The following RBFOX1 variants were observed in gnomAD, a reference collection of about 807,000 sequenced individuals.
RBFOX1 encodes RNA binding fox-1 homolog 1.
In RBFOX1, 8 loss-of-function variants were observed where a neutral mutation model predicts 57.7. The observed-to-expected ratio is 0.14, with a 90% CI of 0.08 to 0.25. The LOEUF (loss-of-function observed/expected upper bound fraction) is 0.25. RBFOX1 is among the 10% of genes least tolerant of loss of function. The pLI, the probability that RBFOX1 is intolerant of heterozygous loss-of-function variation, is 1.00. For synonymous variants in RBFOX1, 326 were observed against 222.4 expected (o/e 1.47, Z -4.15); for missense variants, 611 against 548.5 (o/e 1.11, Z -1.14).
intron 3 of RBFOX1, among the ~76,000 whole-genome samples, chr16:6,988,747 GTTTGTTTTTTGTT>G (rs2090868068): frequency 8.9e-5 from 9 of 101,444 alleles, no homozygotes; most frequent in South Asian, 3.4e-4. Context: ...TTTTTTGTTT[GTTTGTTTTTTGTT>G]TTTTGTTTTT....
chr16:7,220,132 A>T (rs1486509557), intron 4 of RBFOX1, among the ~76,000 whole-genome samples: 2 of 152,228 alleles, frequency 1.3e-5, no homozygotes, highest in Non-Finnish European at 2.9e-5. Context: ...CAATTGTCCT[A>T]GCACCCATCT....
chr16:5,463,638 A>G (rs746253992), intron 1 of RBFOX1, among the ~76,000 whole-genome samples: 2 of 152,094 alleles, frequency 1.3e-5, no homozygotes, highest in Middle Eastern at 3.4e-3. Context: ...TGTGTCCACT[A>G]AAAATACAAA....
At chr16:7,028,784 T>C (rs2041782775) in intron 3 of RBFOX1, among the ~76,000 whole-genome samples, 1 of 151,446 alleles carries the variant, frequency 6.6e-6, no homozygotes, top group Admixed American at 6.6e-5. Context: ...TTGGAAACCA[T>C]GGAACATCCA....
intron 14 of RBFOX1, among the ~76,000 whole-genome samples, chr16:7,678,046 G>A (rs2073839048): frequency 1.3e-5 from 2 of 152,280 alleles, no homozygotes; most frequent in South Asian, 4.1e-4. Flanking sequence ...GCTGCATTTT[G>A]AAAACCCCAT....
chr16:7,170,730 C>G lies in RBFOX1; in HGVS notation c.27+118632C>G, dbSNP rs74009283. On this transcript the variant is annotated intron_variant, in intron 4 of 15. Coordinates refer to ENST00000550418, the MANE Select transcript of RBFOX1 (RefSeq NM_018723.4). ...GTATCCTCACATACAGTGAAGTTTC[C>G]ATACACCTTGGTTGAATGAATGTCT... is the stretch of plus-strand genomic sequence containing the variant. 7.1e-3 allele frequency among the ~76,000 whole-genome samples: 1,079 copies of G among 152,238 alleles called. 15 individuals are homozygous for G. Among genetic ancestry groups the G allele is most frequent in the African/African-American group, 0.025 (1,035 of 41,544 alleles).
chr16:6,799,319 T>C (rs1254263093), intron 3 of RBFOX1, among the ~76,000 whole-genome samples: 1 of 152,108 alleles, frequency 6.6e-6, no homozygotes, highest in Non-Finnish European at 1.5e-5. Context: ...CTACTTATCA[T>C]TATATGCTAT....
At chr16:6,901,797 G>C (rs528059406) in intron 3 of RBFOX1, among the ~76,000 whole-genome samples, 1 of 152,194 alleles carries the variant, frequency 6.6e-6, no homozygotes, top group Non-Finnish European at 1.5e-5. Flanking sequence ...AGAAGGAAGA[G>C]ACATAATACT....
intron 3 of RBFOX1, among the ~76,000 whole-genome samples, chr16:5,776,565 C>G (rs2054157385): frequency 6.6e-6 from 1 of 152,208 alleles, no homozygotes; most frequent in African/African-American, 2.4e-5. Context: ...ACGTACTGTG[C>G]TGAACATTTT....
intron 2 of RBFOX1, among the ~76,000 whole-genome samples, chr16:6,318,466 T>C (rs920917920): frequency 1.3e-5 from 2 of 152,180 alleles, no homozygotes; most frequent in African/African-American, 4.8e-5. Context: ...ATCTTTCTCA[T>C]AGATGCCTTT....
chr16:6,386,784 T>C (rs989389346), intron 2 of RBFOX1, among the ~76,000 whole-genome samples: 1 of 152,224 alleles, frequency 6.6e-6, no homozygotes. Flanking sequence ...TCTGGGGATC[T>C]ACTATTTCAG....
intron 1 of RBFOX1, among the ~76,000 whole-genome samples, chr16:6,105,228 G>A (rs11077003): frequency 0.68 from 103,657 of 151,786 alleles, 36,109 homozygotes; most frequent in African/African-American, 0.82. Context: ...AATATGTACA[G>A]TGTCTACTGG....
intron 4 of RBFOX1, among the ~76,000 whole-genome samples, chr16:5,936,469 A>G (rs1427937338): frequency 1.3e-5 from 2 of 152,158 alleles, no homozygotes; most frequent in African/African-American, 4.8e-5. Flanking sequence ...CAGGACAGTG[A>G]GACTGGAAGG....
At chr16:5,527,579 C>G (rs753158952) in intron 2 of RBFOX1, among the ~76,000 whole-genome samples, 3 of 152,184 alleles carry the variant, frequency 2.0e-5, no homozygotes, top group Non-Finnish European at 4.4e-5. Flanking sequence ...GTTACAGCAG[C>G]TGGTGATGCG....
intron 3 of RBFOX1, among the ~76,000 whole-genome samples, chr16:6,801,196 A>G (rs952832148): frequency 2.3e-5 from 3 of 131,592 alleles, no homozygotes; most frequent in Non-Finnish European, 4.6e-5. Flanking sequence ...AAGATTGAAC[A>G]TGCAAAAAAA....
chr16:6,777,048 A>G (rs1003932948), intron 3 of RBFOX1, among the ~76,000 whole-genome samples: 1 of 152,164 alleles, frequency 6.6e-6, no homozygotes, highest in African/African-American at 2.4e-5. Context: ...TTAATCTGAA[A>G]GCTACCTGAG....
At chr16:6,744,967 A>G (rs998668513) in intron 3 of RBFOX1, among the ~76,000 whole-genome samples, 1 of 152,094 alleles carries the variant, frequency 6.6e-6, no homozygotes, top group African/African-American at 2.4e-5. Flanking sequence ...AGGAGAAGAT[A>G]CAAATTACCA....
intron 3 of RBFOX1, among the ~76,000 whole-genome samples, chr16:6,873,076 C>T (rs1473516): frequency 0.78 from 118,108 of 151,278 alleles, 47,111 homozygotes; most frequent in African/African-American, 0.94. Flanking sequence ...ACCCAAACTT[C>T]TGAAATATGT....
chr16:5,577,884 T>C (rs1233680263), intron 2 of RBFOX1, among the ~76,000 whole-genome samples: 1 of 152,180 alleles, frequency 6.6e-6, no homozygotes, highest in African/African-American at 2.4e-5. Flanking sequence ...AAGAGCCTCA[T>C]GTTAGAGCAG....
chr16:7,112,789 G>C (rs2151618163), intron 4 of RBFOX1, among the ~76,000 whole-genome samples: 1 of 151,494 alleles, frequency 6.6e-6, no homozygotes, highest in African/African-American at 2.4e-5. Flanking sequence ...CAGTTTGTTA[G>C]TTGTGTGCTT....
Sources: gnomAD v4.1 joint callset for allele counts (sites outside exome capture counted in the v4.1 genomes callset) on GRCh38, gnomAD v4.1.1 for gene constraint, MANE v1.5 for transcripts, NCBI Gene and HGNC (gene_info 2026-07-23, HGNC 2026-07-21) for gene names.